Variants in UNC13C observed in about 807,000 individuals in gnomAD.
The protein encoded by UNC13C is protein unc-13 homolog C.
A neutral mutation model predicts 245.4 loss-of-function variants in UNC13C; 174 were observed. That is an observed-to-expected ratio of 0.71 (90% CI 0.63 to 0.80). UNC13C has a LOEUF of 0.80. Ranked by LOEUF, UNC13C falls within the 30% of genes least tolerant of loss-of-function variation. The pLI is 0.00. For missense variants in UNC13C, 2,829 were observed against 2,602.9 expected, an observed-to-expected ratio of 1.09 and a Z score of -1.89; for synonymous variants, 992 against 895.1, an observed-to-expected ratio of 1.11 and a Z score of -1.93.
At chr15:54,079,354 T>G (rs1401744605) in intron 2 of UNC13C, among the ~76,000 whole-genome samples, 1 of 152,122 alleles carries the variant, frequency 6.6e-6, no homozygotes, top group Non-Finnish European at 1.5e-5. Flanking sequence ...AAAATTGATG[T>G]TGGTAATTTC....
intron 17 of UNC13C, among the ~76,000 whole-genome samples, chr15:54,383,307 A>G (rs573972174): frequency 1.4e-4 from 22 of 152,312 alleles, no homozygotes; most frequent in African/African-American, 5.3e-4. Context: ...AACAAACTGA[A>G]TGCAACAACA....
At chr15:53,899,956 C>G in the UNC13C span, among the ~76,000 whole-genome samples, 1 of 152,154 alleles carries the variant, frequency 6.6e-6, no homozygotes. Flanking sequence ...ATAACTACCC[C>G]ACCCTAGAGA....
At chr15:53,958,654 G>A in the UNC13C span, among the ~76,000 whole-genome samples, 1 of 152,156 alleles carries the variant, frequency 6.6e-6, no homozygotes, top group Admixed American at 6.5e-5. Context: ...TGTCTTATTT[G>A]TTTTTTAAAA....
At chr15:54,564,304 A>G (rs752152474) in intron 29 of UNC13C, among the ~76,000 whole-genome samples, 1 of 152,020 alleles carries the variant, frequency 6.6e-6, no homozygotes, top group Non-Finnish European at 1.5e-5. Flanking sequence ...CGGAATAACA[A>G]GTAAAACTCT....
intron 29 of UNC13C, among the ~76,000 whole-genome samples, chr15:54,561,072 A>G (rs527900591): frequency 5.9e-5 from 9 of 152,044 alleles, no homozygotes; most frequent in South Asian, 2.1e-4. Flanking sequence ...TGACTATTAA[A>G]TCTGACTCTT....
At chr15:54,500,224 T>G in intron 21 of UNC13C, 49 bp downstream of exon 21, 1 of 1,371,224 alleles carries the variant, frequency 7.3e-7, no homozygotes, top group South Asian at 1.2e-5. Context: ...TTCAGTCACA[T>G]TGCTTACTTT....
At chr15:54,516,743 T>A (rs1894993766) in intron 24 of UNC13C, among the ~76,000 whole-genome samples, 1 of 141,796 alleles carries the variant, frequency 7.1e-6, no homozygotes, top group South Asian at 2.1e-4. Context: ...GAGGTTGCAG[T>A]GAGCAGAGAT....
chr15:54,117,205 T>C (rs890320517), intron 2 of UNC13C, among the ~76,000 whole-genome samples: 8 of 152,168 alleles, frequency 5.3e-5, no homozygotes, highest in African/African-American at 1.9e-4. Flanking sequence ...TTTGCAAATA[T>C]TTTCTTCCAT....
At chr15:54,117,628 C>A (rs2030362401) in intron 2 of UNC13C, among the ~76,000 whole-genome samples, 1 of 151,436 alleles carries the variant, frequency 6.6e-6, no homozygotes, top group Non-Finnish European at 1.5e-5. Flanking sequence ...GTTGCCCAAG[C>A]TGGAGTGCAT....
At chr15:54,580,094 C>G (rs1200131737) in intron 30 of UNC13C, among the ~76,000 whole-genome samples, 1 of 152,134 alleles carries the variant, frequency 6.6e-6, no homozygotes, top group Non-Finnish European at 1.5e-5. Context: ...GTCAAGAAAG[C>G]AAAATGCAAT....
At chr15:54,482,782 A>G (rs1241417950) in intron 19 of UNC13C, among the ~76,000 whole-genome samples, 1 of 152,160 alleles carries the variant, frequency 6.6e-6, no homozygotes, top group East Asian at 1.9e-4. Flanking sequence ...CCCTAATGGG[A>G]AAAGCAGTGT....
intron 2 of UNC13C, among the ~76,000 whole-genome samples, chr15:54,096,212 C>G (rs1567010349): frequency 6.6e-6 from 1 of 152,144 alleles, no homozygotes; most frequent in East Asian, 1.9e-4. Flanking sequence ...GACTTTCATT[C>G]AGATCTGAAG....
the UNC13C span, among the ~76,000 whole-genome samples, chr15:53,956,806 AG>A: frequency 1.3e-5 from 2 of 151,666 alleles, no homozygotes; most frequent in East Asian, 3.9e-4. Context: ...ATCAGAGTTG[AG>A]GATGTCATGG....
At chr15:54,075,050 C>T (rs1898522095) in intron 2 of UNC13C, among the ~76,000 whole-genome samples, 1 of 152,050 alleles carries the variant, frequency 6.6e-6, no homozygotes, top group African/African-American at 2.4e-5. Flanking sequence ...ACCTGTGCTC[C>T]AACATTTACT....
At chr15:54,533,978 A>G (rs1895877707) in intron 26 of UNC13C, among the ~76,000 whole-genome samples, 1 of 152,214 alleles carries the variant, frequency 6.6e-6, no homozygotes, top group Admixed American at 6.5e-5. Context: ...AATCTCATTT[A>G]TTATTGTTGT....
chr15:54,020,441 A>ATTTTTTTTTTTTTTTTT (rs35981072), intron 2 of UNC13C, among the ~76,000 whole-genome samples: 2 of 106,834 alleles, frequency 1.9e-5, no homozygotes, highest in African/African-American at 3.6e-5. Context: ...CGCCCAGCTA[A>ATTTTTTTTTTTTTTTTT]TTTTTTTTTT....
At chr15:53,988,602 A>G (rs755950274) in intron 1 of UNC13C, among the ~76,000 whole-genome samples, 4 of 151,874 alleles carry the variant, frequency 2.6e-5, no homozygotes, top group Non-Finnish European at 5.9e-5. Context: ...ATGGTCTGCT[A>G]GGGAGGATTT....
intron 31 of UNC13C, 137 bp downstream of exon 31, chr15:54,622,556 C>G: frequency 1.6e-6 from 1 of 610,042 alleles, no homozygotes; most frequent in East Asian, 2.8e-5. Context: ...CCTAATGAAA[C>G]CCAAACTTTT....
downstream of UNC13C, chr15:54,629,839 T>A (rs1901413287): frequency 6.6e-6 from 1 of 152,206 alleles, no homozygotes; most frequent in African/African-American, 2.4e-5. Flanking sequence ...TCTTTTACAA[T>A]GTATACAATA....
Sources: gnomAD v4.1 joint callset for allele counts (sites outside exome capture counted in the v4.1 genomes callset) on GRCh38, gnomAD v4.1.1 for gene constraint, MANE v1.5 for transcripts, NCBI Gene and HGNC (gene_info 2026-07-23, HGNC 2026-07-21) for gene names.